SAMD3: variants seen among roughly 807,000 people sequenced by gnomAD.
SAMD3 encodes the protein sterile alpha motif domain-containing protein 3.
SAMD3 carries 63 observed loss-of-function variants against 58.5 expected under a neutral mutation model. The ratio of observed to expected loss-of-function variants is 1.08; its 90% CI spans 0.88 to 1.33. The LOEUF (loss-of-function observed/expected upper bound fraction) is 1.33, where lower values mean the gene tolerates loss of function less well. SAMD3 is among the 40% of genes most tolerant of loss of function. SAMD3 has a pLI of 0.00. For synonymous variants in SAMD3, 220 were observed against 210.3 expected, an observed-to-expected ratio of 1.05 and a Z score of -0.40; for missense variants, 604 against 608.4, an observed-to-expected ratio of 0.99 and a Z score of 0.08.
At chr6:130,342,617 G>A (rs1048316386) in intron 1 of SAMD3, among the ~76,000 whole-genome samples, 4 of 151,796 alleles carry the variant, frequency 2.6e-5, no homozygotes, top group Non-Finnish European at 4.4e-5. Flanking sequence ...CATAATACCA[G>A]GAATAAACAC....
At chr6:130,255,878 G>T in intron 2 of SAMD3, among the ~76,000 whole-genome samples, 1 of 151,100 alleles carries the variant, frequency 6.6e-6, no homozygotes, top group African/African-American at 2.4e-5. Flanking sequence ...AAACCATTCA[G>T]TCATTTTATG....
chr6:130,204,407 G>T (rs933724080), intron 5 of SAMD3, among the ~76,000 whole-genome samples: 1 of 152,104 alleles, frequency 6.6e-6, no homozygotes, highest in Non-Finnish European at 1.5e-5. Flanking sequence ...GTATCTTCAT[G>T]ACTAGCCTGG....
chr6:130,297,170 T>C (rs1775598395), intron 2 of SAMD3, among the ~76,000 whole-genome samples: 1 of 152,150 alleles, frequency 6.6e-6, no homozygotes, highest in African/African-American at 2.4e-5. Flanking sequence ...GAACTCTCAG[T>C]CAGTCCTGAA....
At chr6:130,173,353 G>A (rs1363050376) in intron 8 of SAMD3, among the ~76,000 whole-genome samples, 1 of 152,138 alleles carries the variant, frequency 6.6e-6, no homozygotes, top group African/African-American at 2.4e-5. Flanking sequence ...ATGACCTTTG[G>A]ATGGGATTTT....
intron 1 of SAMD3, among the ~76,000 whole-genome samples, chr6:130,219,677 T>C (rs1445311810): frequency 2.0e-5 from 3 of 152,374 alleles, no homozygotes; most frequent in East Asian, 3.9e-4. Context: ...TTCCTTTTTA[T>C]GGTTGAGTAG....
At chr6:130,236,538 C>T (rs989633642) in intron 2 of SAMD3, among the ~76,000 whole-genome samples, 4 of 152,064 alleles carry the variant, frequency 2.6e-5, no homozygotes, top group East Asian at 1.9e-4. Flanking sequence ...CGCCCACCAC[C>T]GCACCCGGCT....
rs139169507 is a variant in SAMD3 at position 130,229,804 on chromosome 6, G to T, written c.-187-6991C>A. On this transcript the variant is annotated intron_variant, in intron 2 of 13. Coordinates refer to the SAMD3 transcript ENST00000368134. ...GGCACAAAGGAAGCCATCAATTCAT[G>T]ATGAGTAAATGAACCGCATAGGGAG... Among the ~76,000 whole-genome samples, 344 of 152,246 alleles carry T rather than the reference G, an allele frequency of 2.3e-3. 2 individuals are homozygous for T. The highest frequency in any genetic ancestry group is 4.4e-3 in the Non-Finnish European group (299 of 68,020).
intron 1 of SAMD3, among the ~76,000 whole-genome samples, chr6:130,340,816 A>G (rs991509352): frequency 1.3e-5 from 2 of 152,196 alleles, no homozygotes; most frequent in Non-Finnish European, 2.9e-5. Flanking sequence ...ATTTCCTGCT[A>G]TTGTAACCAG....
At chr6:130,351,161 C>T (rs1344267687) in intron 1 of SAMD3, among the ~76,000 whole-genome samples, 1 of 152,130 alleles carries the variant, frequency 6.6e-6, no homozygotes, top group East Asian at 1.9e-4. Context: ...AGGACATAGG[C>T]ATGGACAAAG....
At position 130,209,734 on chromosome 6, in the gene SAMD3, G is replaced by A. The variant is rs565861312; in HGVS notation, c.270-126C>T. ...GTCTGTGTCCACTTCCCAGTTCCACGTTAGACTCATGACTAAGAGAATGGA... is the reference window on the plus strand; with the variant it reads ...GTCTGTGTCCACTTCCCAGTTCCACATTAGACTCATGACTAAGAGAATGGA... On this transcript the variant is annotated intron_variant, in intron 4 of 11. Coordinates refer to ENST00000439090, the MANE Select transcript of SAMD3 (RefSeq NM_001017373.4). 3.0e-5 allele frequency: 17 copies of A among 572,726 alleles called. No homozygotes were observed. The East Asian group carries it at 3.2e-4, about 11-fold the overall frequency. The allele number at this position is 572,726 out of a possible 1,614,324, so 35.5% of individuals were successfully genotyped here.
intron 2 of SAMD3, among the ~76,000 whole-genome samples, chr6:130,264,819 C>A (rs1292131076): frequency 2.0e-5 from 3 of 152,088 alleles, no homozygotes; most frequent in Non-Finnish European, 4.4e-5. Context: ...CCTGGGGCTA[C>A]CTGACCTGAC....
At chr6:130,268,908 T>G (rs1358603106) in intron 2 of SAMD3, among the ~76,000 whole-genome samples, 3 of 152,212 alleles carry the variant, frequency 2.0e-5, no homozygotes, top group Non-Finnish European at 2.9e-5. Context: ...CACTGTAACT[T>G]GCCTTTTTAT....
intron 1 of SAMD3, among the ~76,000 whole-genome samples, chr6:130,361,334 G>T (rs1777983318): frequency 6.6e-6 from 1 of 152,158 alleles, no homozygotes; most frequent in Non-Finnish European, 1.5e-5. Context: ...GGCTTCAGCT[G>T]GTCCCTCCGT....
At chr6:130,346,241 G>A (rs1024769503) in intron 1 of SAMD3, among the ~76,000 whole-genome samples, 1 of 152,336 alleles carries the variant, frequency 6.6e-6, no homozygotes, top group Admixed American at 6.5e-5. Context: ...AGTGGGTGCA[G>A]CACACCGAGC....
intron 1 of SAMD3, among the ~76,000 whole-genome samples, chr6:130,334,371 C>T (rs1056229305): frequency 1.3e-5 from 2 of 151,278 alleles, no homozygotes; most frequent in African/African-American, 4.9e-5. Context: ...AGACTGTGGT[C>T]CTCACGGCAT....
chr6:130,152,848 A>G (rs1051142475), intron 9 of SAMD3, among the ~76,000 whole-genome samples: 1 of 152,192 alleles, frequency 6.6e-6, no homozygotes, highest in Non-Finnish European at 1.5e-5. Flanking sequence ...AGCACAGGGG[A>G]CAGCATCAGG....
At chr6:130,340,124 T>C (rs1777224587) in intron 1 of SAMD3, among the ~76,000 whole-genome samples, 1 of 152,206 alleles carries the variant, frequency 6.6e-6, no homozygotes, top group East Asian at 1.9e-4. Flanking sequence ...TTCAATAATA[T>C]TGCATTAGCT....
At chr6:130,163,342 G>GTTA (rs1370000713) in intron 8 of SAMD3, among the ~76,000 whole-genome samples, 1 of 152,192 alleles carries the variant, frequency 6.6e-6, no homozygotes, top group Non-Finnish European at 1.5e-5. Context: ...ACAGTGTTGT[G>GTTA]TTAGATACTA....
At chr6:130,300,750 T>C (rs1040623578) in intron 2 of SAMD3, among the ~76,000 whole-genome samples, 1 of 152,166 alleles carries the variant, frequency 6.6e-6, no homozygotes, top group African/African-American at 2.4e-5. Context: ...TCTGAAAGAC[T>C]CCTAGACATG....
Sources: allele counts gnomAD v4.1 joint callset (sites outside exome capture counted in the v4.1 genomes callset), GRCh38; gene constraint gnomAD v4.1.1; transcripts MANE v1.5; gene names NCBI Gene and HGNC (gene_info 2026-07-23, HGNC 2026-07-21).